LRFN1: variants seen among roughly 807,000 people sequenced by gnomAD.
The protein encoded by LRFN1 is leucine rich repeat and fibronectin type III domain containing 1.
LRFN1 carries 20 observed loss-of-function variants against 31.8 expected under a neutral mutation model. The ratio of observed to expected loss-of-function variants is 0.63; its 90% CI spans 0.44 to 0.91. LRFN1 has a LOEUF of 0.91. LRFN1 is among the 40% of genes least tolerant of loss of function. LRFN1 has a pLI of 0.00. For synonymous variants in LRFN1, 514 were observed against 541.3 expected (o/e 0.95, Z 0.70); for missense variants, 912 against 1,129.8 (o/e 0.81, Z 2.76).
chr19:39,313,540 CAAAT>C (rs1011468188), intron 4 of LRFN1, among the ~76,000 whole-genome samples: 2 of 152,142 alleles, frequency 1.3e-5, no homozygotes, highest in Non-Finnish European at 2.9e-5. Context: ...TCAAAACAAA[CAAAT>C]AAATAAATGT....
At chr19:39,320,381 CG>C (rs2075184806) in intron 1 of LRFN1, among the ~76,000 whole-genome samples, 1 of 151,848 alleles carries the variant, frequency 6.6e-6, no homozygotes, top group African/African-American at 2.4e-5. Flanking sequence ...TCCACAGACC[CG>C]GGGATGGACA....
chr19:39,314,237 G>A lies in LRFN1; in HGVS notation c.1100C>T (p.Thr367Ile), dbSNP rs776781654. Residue 367 changes from threonine (T) to isoleucine (I), a missense_variant, in exon 4 of 5, where the codon ACC becomes ATC. By Grantham distance (89) the Thr-to-Ile change is moderately conservative (BLOSUM62 -1). Transcript: ENST00000248668. Reference protein sequence around the residue: ...VTITTLRDSGTFTCIASNAAG... With the variant: ...VTITTLRDSGIFTCIASNAAG... ...AGCATTGGAGGCGATACAAGTGAAG[G>A]TGCCACTGTCCCTCAAGGTGGTGAT... is the stretch of plus-strand genomic sequence containing the variant. 1 of 1,613,302 alleles carries A rather than the reference G, an allele frequency of 6.2e-7. No homozygotes were observed. Among genetic ancestry groups the A allele is most frequent in the South Asian group, 1.1e-5 (1 of 91,080 alleles).
chr19:39,314,286 C>T lies in LRFN1; in HGVS notation c.1051G>A (p.Gly351Arg), dbSNP rs540845829. ...LGNSSRTRVRGDGTLDVTITT... is the reference protein window; with the variant it reads ...LGNSSRTRVRRDGTLDVTITT... ...ATGGTCACATCCAGCGTCCCGTCCCCCCGGACCCGGGTCCGGCTGGAGTTC... is the reference window on the plus strand; with the variant it reads ...ATGGTCACATCCAGCGTCCCGTCCCTCCGGACCCGGGTCCGGCTGGAGTTC... The change falls in exon 4 of 5, where the codon GGG becomes AGG. Residue 351 changes from glycine (G) to arginine (R), a missense_variant. By Grantham distance (125) the Gly-to-Arg change is moderately radical (BLOSUM62 -2). This residue lies in a region of LRFN1 where 401 missense variants were observed against 572.7 expected (regional missense o/e 0.70). Coordinates refer to ENST00000248668, the MANE Select transcript of LRFN1 (RefSeq NM_020862.2). 2 of 1,611,638 alleles carry T rather than the reference C, an allele frequency of 1.2e-6. No individual in the cohort carries two copies. Among genetic ancestry groups the T allele is most frequent in the Non-Finnish European group, 1.7e-6 (2 of 1,179,082 alleles).
intron 4 of LRFN1, among the ~76,000 whole-genome samples, chr19:39,312,353 C>T (rs2075153656): frequency 6.6e-6 from 1 of 151,978 alleles, no homozygotes; most frequent in Non-Finnish European, 1.5e-5. Context: ...GCTGGCATCT[C>T]CAGGTGAAGC....
At chr19:39,318,728 T>C (rs1310837616) in intron 1 of LRFN1, among the ~76,000 whole-genome samples, 1 of 152,122 alleles carries the variant, frequency 6.6e-6, no homozygotes, top group Admixed American at 6.5e-5. Flanking sequence ...TCCTGAACGG[T>C]ACCAAGAGCT....
chr19:39,309,034 C>T (rs2075141261), intron 4 of LRFN1, among the ~76,000 whole-genome samples: 1 of 152,230 alleles, frequency 6.6e-6, no homozygotes, highest in African/African-American at 2.4e-5. Context: ...CAGCTCACAG[C>T]GCCTGTCATA....
chr19:39,319,706 C>G (rs1187856291), intron 1 of LRFN1, among the ~76,000 whole-genome samples: 1 of 152,106 alleles, frequency 6.6e-6, no homozygotes, highest in Admixed American at 6.6e-5. Context: ...GGCACCCCCC[C>G]ACCACCCCAC....
chr19:39,313,697 C>T (rs2075158880), intron 4 of LRFN1, among the ~76,000 whole-genome samples: 1 of 152,196 alleles, frequency 6.6e-6, no homozygotes, highest in South Asian at 2.1e-4. Context: ...TGTTAGGACT[C>T]CAGTGCCCAG....
Position 39,307,806 on chromosome 19 carries a change from G to A in LRFN1, c.2143C>T (p.Gln715Ter). The A allele has an allele frequency of 2.0e-6, 3 of 1,486,914 alleles. No individual in the cohort carries two copies. The highest frequency in any genetic ancestry group is 2.7e-6 in the Non-Finnish European group (3 of 1,125,408). 92.1% of individuals were successfully genotyped at this position (1,486,914 alleles called of 1,614,324 possible). Residue 715 changes from glutamine (Q) to a stop codon, truncating the protein, a stop_gained, in exon 5 of 5, where the codon CAG becomes TAG. Transcript: ENST00000248668. LOFTEE classifies it high-confidence loss of function. The surrounding 1 kb of genome is among the most constrained non-coding windows in gnomAD (Gnocchi z 6.7). ...SFDGDYGALF[Q>*]SHSYPRRARR... ...GCGCGGCGCGGGTAACTGTGGCTCT[G>A]GAATAGTGCCCCGTAGTCCCCGTCG...
At chr19:39,319,485 T>G (rs932219159) in intron 1 of LRFN1, among the ~76,000 whole-genome samples, 4 of 151,718 alleles carry the variant, frequency 2.6e-5, no homozygotes, top group Non-Finnish European at 5.9e-5. Context: ...ACGAGGCTGA[T>G]CCACACTGGA....
At chr19:39,318,178 A>G (rs1413187048) in intron 2 of LRFN1, 148 bp downstream of exon 2, 1 of 152,428 alleles carries the variant, frequency 6.6e-6, no homozygotes, top group African/African-American at 2.4e-5. Flanking sequence ...AGCCTTGGAC[A>G]GAGTGGTGGG....
In LRFN1 at chr19:39,315,017, C is replaced by T; in HGVS notation, c.320G>A (p.Gly107Asp). 1 of 1,593,684 alleles carries T rather than the reference C, an allele frequency of 6.3e-7. No individual in the cohort carries two copies. Among genetic ancestry groups the T allele is most frequent in the Admixed American group, 1.7e-5 (1 of 59,032 alleles). Residue 107 changes from glycine (G) to aspartate (D), a missense_variant, in exon 4 of 5, where the codon GGC (glycine) becomes GAC (aspartate). Around this residue, in one of 2 missense-constraint regions of LRFN1, gnomAD observed 401 missense variants for 572.7 expected, o/e 0.70. Coordinates refer to ENST00000248668, the MANE Select transcript of LRFN1 (RefSeq NM_020862.2). This position sits in a 1 kb window ranked among gnomAD's most constrained non-coding sequence, Gnocchi z 4.7. ...SRNTIGQVAA[G>D]AFADLRALRA... is the part of the protein sequence containing the mutation. The stretch of plus-strand genomic sequence containing the variant: ...GAGGGCACGCAGGTCGGCGAAGGCG[C>T]CAGCTGCCACCTGGCCGATGGTGTT...
intron 4 of LRFN1, among the ~76,000 whole-genome samples, chr19:39,312,530 C>T (rs1389847146): frequency 6.6e-6 from 1 of 152,116 alleles, no homozygotes; most frequent in African/African-American, 2.4e-5. Context: ...GGGCCAGGTG[C>T]AGCGGCTCAC....
At chr19:39,318,154 T>G (rs2075177425) in intron 2 of LRFN1, among the ~76,000 whole-genome samples, 172 bp downstream of exon 2, 1 of 152,150 alleles carries the variant, frequency 6.6e-6, no homozygotes. Context: ...TTCCTGACCT[T>G]GTCACCACTC....
rs188960898 is a variant in LRFN1 at position 39,306,861 on chromosome 19, C to T, written c.*772G>A. ...TTAATTCTGCTGCGGCGGAGGGTCC[C>T]GGCTCCGGTAGGGAGGGGGATTTGG... On this transcript the variant is annotated 3_prime_UTR_variant, in exon 5 of 5. Transcript: ENST00000248668. 5.7e-5 allele frequency: 9 copies of T among 157,252 alleles called. No individual in the cohort carries two copies. The highest frequency in any genetic ancestry group is 1.9e-4 in the East Asian group (1 of 5,340). 9.7% of individuals were successfully genotyped at this position (157,252 alleles called of 1,614,324 possible).
intron 1 of LRFN1, among the ~76,000 whole-genome samples, chr19:39,318,955 A>G (rs532768583): frequency 6.6e-6 from 1 of 152,334 alleles, no homozygotes; most frequent in East Asian, 1.9e-4. Flanking sequence ...ACCCCAGTAT[A>G]CCAGAGGTCA....
At chr19:39,320,503 C>T (rs2075185229) in intron 1 of LRFN1, among the ~76,000 whole-genome samples, 2 of 152,102 alleles carry the variant, frequency 1.3e-5, no homozygotes, top group Non-Finnish European at 2.9e-5. Context: ...CACACAGCCC[C>T]TCCGATGGGC....
In LRFN1 at chr19:39,315,061, C is replaced by G; in HGVS notation, c.276G>C (p.Val92=). The G allele has an allele frequency of 1.3e-6, 2 of 1,595,908 alleles. No homozygotes were observed. Among genetic ancestry groups the G allele is most frequent in the Non-Finnish European group, 8.5e-7 (1 of 1,178,338 alleles). The part of the protein sequence containing the change: ...RRDFANMTSL[V]HLTLSRNTIG... ...TGGTGTTCCGGGAGAGAGTGAGGTGCACCAGGCTGGTCATGTTGGCGAAGT... is the reference window on the plus strand; with the variant it reads ...TGGTGTTCCGGGAGAGAGTGAGGTGGACCAGGCTGGTCATGTTGGCGAAGT... Residue 92 remains valine (V), a synonymous_variant, in exon 4 of 5, where the codon GTG becomes GTC. Coordinates refer to ENST00000248668, the MANE Select transcript of LRFN1 (RefSeq NM_020862.2). The surrounding 1 kb of genome is among the most constrained non-coding windows in gnomAD (Gnocchi z 4.7).
intron 4 of LRFN1, 134 bp downstream of exon 4, chr19:39,313,797 A>C (rs2075159247): frequency 7.8e-6 from 6 of 767,216 alleles, no homozygotes; most frequent in Non-Finnish European, 1.2e-5. Flanking sequence ...GAGACAGGGC[A>C]AAGGAGGGCG....
Sources: gnomAD v4.1 joint callset for allele counts (sites outside exome capture counted in the v4.1 genomes callset) on GRCh38, gnomAD v4.1.1 for gene constraint, gnomAD v4.1.1 regional missense constraint, Gnocchi (gnomAD v3.1) non-coding constraint, MANE v1.5 for transcripts, NCBI Gene and HGNC (gene_info 2026-07-23, HGNC 2026-07-21) for gene names.